The following IRAK4 variants were observed in gnomAD, a reference collection of about 807,000 sequenced individuals.
IRAK4 encodes interleukin-1 receptor-associated kinase 4.
IRAK4 carries 44 observed loss-of-function variants against 51.8 expected under a neutral mutation model. The observed-to-expected ratio is 0.85, with a 90% CI of 0.67 to 1.09. The LOEUF (loss-of-function observed/expected upper bound fraction) is 1.09. Among genes scored for constraint, IRAK4 ranks in the 50% least tolerant of loss-of-function variants. IRAK4 has a pLI of 0.00. For synonymous variants in IRAK4, 149 were observed against 174.1 expected, an observed-to-expected ratio of 0.86 and a Z score of 1.13; for missense variants, 487 against 538.0, an observed-to-expected ratio of 0.91 and a Z score of 0.94.
intron 2 of IRAK4, 35 bp downstream of exon 2, chr12:43,768,307 T>C: frequency 6.8e-7 from 1 of 1,466,496 alleles, no homozygotes; most frequent in Non-Finnish European, 9.5e-7. Flanking sequence ...TTTAAATTCT[T>C]ACATCACAAT....
chr12:43,772,243 A>G lies in IRAK4; in HGVS notation c.371A>G (p.Gln124Arg), dbSNP rs771105240. The G allele has an allele frequency of 6.2e-7, 1 of 1,613,800 alleles. No individual in the cohort carries two copies. The highest frequency in any genetic ancestry group is 8.5e-7 in the Non-Finnish European group (1 of 1,179,912). The change falls in exon 4 of 12, where the codon CAG becomes CGG. Residue 124 changes from glutamine to arginine, a missense_variant. Gln to Arg is a conservative substitution (Grantham distance 43). Transcript: ENST00000613694. ...SKEAITVQQK[Q>R]MPFCDKDRTL... The stretch of plus-strand genomic sequence containing the variant: ...GAAGCTATAACAGTTCAGCAAAAAC[A>G]GATGCCTTTCTGTGACAAAGACAGG...
intron 3 of IRAK4, 78 bp downstream of exon 3, chr12:43,771,443 C>A: frequency 6.9e-7 from 1 of 1,458,940 alleles, no homozygotes; most frequent in South Asian, 1.2e-5. Flanking sequence ...TCTTCTTACT[C>A]TTCCTTTTTT....
chr12:43,767,997 T>G lies in IRAK4; in HGVS notation c.-9-106T>G, dbSNP rs916639068. ...GGAATGTTTCTTTATTATGGTATAA[T>G]CAGTTGCTGACATTTCATATGATAT... is the stretch of plus-strand genomic sequence containing the variant. On this transcript the variant is annotated intron_variant, in intron 1 of 11. Transcript: ENST00000613694. 9.2e-6 allele frequency: 7 copies of G among 762,884 alleles called. No homozygotes were observed. In the Admixed American group the frequency reaches 1.5e-4, roughly 17 times the overall value. The allele number at this position is 762,884 out of a possible 1,614,324, so 47.3% of individuals were successfully genotyped here.
intron 1 of IRAK4, among the ~76,000 whole-genome samples, chr12:43,765,477 T>C (rs1940032287): frequency 6.6e-6 from 1 of 152,134 alleles, no homozygotes; most frequent in African/African-American, 2.4e-5. Context: ...CCACCATAAA[T>C]GTGGTGTTTG....
chr12:43,773,843 T>G lies in IRAK4; in HGVS notation c.652-122T>G, dbSNP rs1941019502. ...TCTAGATCTCAGTTATTCTGTAGAA[T>G]TGGGAGAATAATACACTATTGTTTT... On this transcript the variant is annotated intron_variant, in intron 5 of 11. Coordinates refer to ENST00000613694, the MANE Select transcript of IRAK4 (RefSeq NM_016123.4). 3 of 692,082 alleles carry G rather than the reference T, an allele frequency of 4.3e-6. No individual in the cohort carries two copies. In the South Asian group the frequency reaches 4.7e-5, roughly 11 times the overall value. The allele number at this position is 692,082 out of a possible 1,614,324, so 42.9% of individuals were successfully genotyped here. A position where few individuals can be genotyped will look rare whatever the true frequency, so the allele number is the denominator to read the frequency against.
chr12:43,764,873 A>T (rs1009490707), intron 1 of IRAK4, among the ~76,000 whole-genome samples: 2 of 152,214 alleles, frequency 1.3e-5, no homozygotes, highest in Non-Finnish European at 2.9e-5. Flanking sequence ...TAATAAGCAG[A>T]TGTTACCATT....
At chr12:43,779,031 A>G (rs1941545252) in intron 8 of IRAK4, among the ~76,000 whole-genome samples, 2 of 152,056 alleles carry the variant, frequency 1.3e-5, no homozygotes. Context: ...GGGAGCCAAG[A>G]TAGGAGGATC....
At chr12:43,767,766 T>G (rs533776073) in intron 1 of IRAK4, among the ~76,000 whole-genome samples, 3 of 152,304 alleles carry the variant, frequency 2.0e-5, no homozygotes, top group Admixed American at 2.0e-4. Flanking sequence ...CTAATTCTGA[T>G]AGTTTGTTGA....
rs1941866141 is a variant in IRAK4 at position 43,782,502 on chromosome 12, A to T, written c.1125+12A>T. 6.3e-7 allele frequency: 1 copy of T among 1,584,188 alleles called. No individual in the cohort carries two copies. Among genetic ancestry groups the T allele is most frequent in the Admixed American group, 1.7e-5 (1 of 59,830 alleles). The stretch of plus-strand genomic sequence containing the variant: ...ACAGCTTTGGTGTGGTAAGTTCCGT[A>T]TACATAATTATTAAAAATAATCATT... On this transcript the variant is annotated intron_variant, in intron 9 of 11. Coordinates refer to ENST00000613694, the MANE Select transcript of IRAK4 (RefSeq NM_016123.4).
rs1940935618 is a variant in IRAK4 at position 43,773,073 on chromosome 12, G to GT, written c.651+2dup. 2 of 1,612,406 alleles carry GT rather than the reference G, an allele frequency of 1.2e-6. No individual in the cohort carries two copies. Among genetic ancestry groups the GT allele is most frequent in the East Asian group, 4.5e-5 (2 of 44,760 alleles). On this transcript the variant is annotated splice_donor_variant, in intron 5 of 11. Coordinates refer to ENST00000613694, the MANE Select transcript of IRAK4 (RefSeq NM_016123.4). LOFTEE classifies it high-confidence loss of function. ...TGTGGCAGTGAAGAAGCTTGCAGCA[G>GT]TAAGTTATATTTTCAGGAATAAAAA...
In IRAK4 at chr12:43,776,729, G is replaced by A. The variant is rs73093764; in HGVS notation, c.717-901G>A. Among the ~76,000 whole-genome samples, 684 of 152,304 alleles carry A rather than the reference G, an allele frequency of 4.5e-3. 4 individuals are homozygous for A. The highest frequency in any genetic ancestry group is 8.0e-3 in the Non-Finnish European group (547 of 68,014). ...CAGAACTAGACTTTAAATTTAGGAT[G>A]TATAACTCTGAGCCCTGTTTTCTTT... On this transcript the variant is annotated intron_variant, in intron 6 of 11. Coordinates refer to ENST00000613694, the MANE Select transcript of IRAK4 (RefSeq NM_016123.4).
At chr12:43,778,695 A>G (rs573268362) in intron 8 of IRAK4, among the ~76,000 whole-genome samples, 35 of 152,236 alleles carry the variant, frequency 2.3e-4, no homozygotes, top group Non-Finnish European at 4.1e-4. Flanking sequence ...TACTATAAGT[A>G]ACATATTCAT....
rs771324378 is a variant in IRAK4, at chr12:43,772,943, G to A, written c.522G>A (p.Lys174=). Reference sequence around the variant, plus strand: ...ACAGTTTTTCATTTTATGAATTGAAGAATGTCACAAATAACTTTGATGAAC... The same window carrying A: ...ACAGTTTTTCATTTTATGAATTGAAAAATGTCACAAATAACTTTGATGAAC... The part of the protein sequence containing the change: ...RFHSFSFYEL[K]NVTNNFDERP... Residue 174 remains lysine, a synonymous_variant, in exon 5 of 12, where the codon AAG becomes AAA. Transcript: ENST00000613694. 33 of 1,610,070 alleles carry A rather than the reference G, an allele frequency of 2.0e-5. No homozygotes were observed. The highest frequency in any genetic ancestry group is 2.8e-5 in the Non-Finnish European group (33 of 1,177,746).
chr12:43,774,998 G>A (rs1263256636), intron 6 of IRAK4, among the ~76,000 whole-genome samples: 2 of 152,214 alleles, frequency 1.3e-5, no homozygotes, highest in Non-Finnish European at 2.9e-5. Flanking sequence ...CACATAGCCA[G>A]TAAGTGTTAG....
At chr12:43,776,001 C>T (rs1327993519) in intron 6 of IRAK4, among the ~76,000 whole-genome samples, 1 of 151,508 alleles carries the variant, frequency 6.6e-6, no homozygotes, top group African/African-American at 2.4e-5. Context: ...CCCGCCTCAG[C>T]CTCCAGAGTA....
At chr12:43,764,978 A>C (rs1849838591) in intron 1 of IRAK4, among the ~76,000 whole-genome samples, 1 of 152,160 alleles carries the variant, frequency 6.6e-6, no homozygotes, top group South Asian at 2.1e-4. Flanking sequence ...TTTTGCTTTA[A>C]TTGGACCACT....
At position 43,782,232 on chromosome 12, in the gene IRAK4, A is replaced by G. The variant is rs1039530552; in HGVS notation, c.942-75A>G. 4 of 893,892 alleles carry G rather than the reference A, an allele frequency of 4.5e-6. No individual in the cohort carries two copies. In the African/African-American group the frequency reaches 6.6e-5, roughly 15 times the overall value. 55.4% of individuals were successfully genotyped at this position (893,892 alleles called of 1,614,324 possible). The stretch of plus-strand genomic sequence containing the variant: ...CATATATACATGCATACATACGTAC[A>G]TCTAGCTAAGGAACTGTTTGACTTT... On this transcript the variant is annotated intron_variant, in intron 8 of 11. Coordinates refer to ENST00000613694, the MANE Select transcript of IRAK4 (RefSeq NM_016123.4).
At chr12:43,765,840 CAAAAA>C (rs35140478) in intron 1 of IRAK4, among the ~76,000 whole-genome samples, 1 of 116,036 alleles carries the variant, frequency 8.6e-6, no homozygotes, top group Non-Finnish European at 1.9e-5. Context: ...TAACATGAGC[CAAAAA>C]AAAAAAAAAA....
rs1349897385 is a variant in IRAK4, at chr12:43,787,452, A to G, written c.*737A>G. ...CTGACCTAATCAAGTGAACCCTTGC[A>G]AGAAGAATTCTCCTTGTAAGCCTTG... On this transcript the variant is annotated 3_prime_UTR_variant, in exon 12 of 12. Coordinates refer to ENST00000613694, the MANE Select transcript of IRAK4 (RefSeq NM_016123.4). 2 of 152,214 alleles carry G rather than the reference A, an allele frequency of 1.3e-5. No homozygotes were observed. Among genetic ancestry groups the G allele is most frequent in the African/African-American group, 2.4e-5 (1 of 41,458 alleles). The allele number at this position is 152,214 out of a possible 1,614,324, so 9.4% of individuals were successfully genotyped here. A position where few individuals can be genotyped will look rare whatever the true frequency, so the allele number is the denominator to read the frequency against.
Sources: gnomAD v4.1 joint callset for allele counts (sites outside exome capture counted in the v4.1 genomes callset) on GRCh38, gnomAD v4.1.1 for gene constraint, MANE v1.5 for transcripts, NCBI Gene and HGNC (gene_info 2026-07-23, HGNC 2026-07-21) for gene names.